Variants in HMOX1 observed in about 807,000 individuals in gnomAD.
HMOX1 encodes heat shock protein, 32-kD.
A neutral mutation model predicts 27.8 loss-of-function variants in HMOX1; 22 were observed. The observed-to-expected ratio is 0.79, with a 90% CI of 0.57 to 1.13. HMOX1 has a LOEUF of 1.13. Ranked by LOEUF, HMOX1 falls within the 50% of genes most tolerant of loss-of-function variation. The pLI is 0.00. For synonymous variants in HMOX1, 153 were observed against 151.6 expected (o/e 1.01, Z -0.07); for missense variants, 379 against 377.7 (o/e 1.00, Z -0.03).
chr22:35,389,543 A>G (rs1266559016), intron 3 of HMOX1, among the ~76,000 whole-genome samples: 5 of 150,984 alleles, frequency 3.3e-5, no homozygotes, highest in African/African-American at 7.4e-5. Flanking sequence ...CCCAGGTTCA[A>G]GCATTTCTCC....
Position 35,386,773 on chromosome 22 carries a change from A to G in HMOX1, c.233A>G (p.Tyr78Cys), listed in dbSNP as rs369019087. ...GAGAGCCCAGTCTTCGCCCCTGTCT[A>G]CTTCCCAGAAGAGCTGCACCGCAAG... Reference protein sequence around the residue: ...NKESPVFAPVYFPEELHRKAA... With the variant: ...NKESPVFAPVCFPEELHRKAA... The change falls in exon 3 of 5, where the codon TAC (tyrosine) becomes TGC (cysteine). Residue 78 changes from tyrosine (Y) to cysteine (C), a missense_variant. Coordinates refer to ENST00000216117, the MANE Select transcript of HMOX1 (RefSeq NM_002133.3). 5.6e-6 allele frequency: 9 copies of G among 1,614,056 alleles called. No individual in the cohort carries two copies. The African/African-American group carries it at 6.7e-5, about 12-fold the overall frequency.
intron 2 of HMOX1, among the ~76,000 whole-genome samples, chr22:35,385,609 C>CTT (rs71191362): frequency 3.2e-4 from 30 of 94,182 alleles, no homozygotes; most frequent in Non-Finnish European, 4.8e-4. Flanking sequence ...CCATACCTGG[C>CTT]TTTTTTTTTT....
intron 1 of HMOX1, 113 bp downstream of exon 1, chr22:35,381,309 C>G (rs977532738): frequency 3.8e-6 from 5 of 1,319,106 alleles, no homozygotes; most frequent in Non-Finnish European, 3.1e-6. Flanking sequence ...GAGCCAGAAA[C>G]TTGGGCTCTG....
intron 3 of HMOX1, among the ~76,000 whole-genome samples, chr22:35,389,189 T>TTTTCTC (rs1569056996): frequency 1.2e-5 from 1 of 83,428 alleles, no homozygotes; most frequent in Non-Finnish European, 2.5e-5. Context: ...GGGATATGAA[T>TTTTCTC]TTTCTTTCTT....
intron 2 of HMOX1, 31 bp from the exon 3 acceptor site, chr22:35,386,654 T>C (rs1931510375): frequency 6.2e-7 from 1 of 1,613,812 alleles, no homozygotes. Context: ...TCTATGTGGC[T>C]GGCGGCCTGA....
At chr22:35,388,350 G>C (rs1316438044) in intron 3 of HMOX1, among the ~76,000 whole-genome samples, 2 of 152,042 alleles carry the variant, frequency 1.3e-5, no homozygotes, top group Non-Finnish European at 2.9e-5. Context: ...TACTTGGGAG[G>C]CTGAGGTGGG....
rs1207596557 is a variant in HMOX1 at position 35,391,326 on chromosome 22, C to T, written c.736+1363C>T. 6.6e-5 allele frequency among the ~76,000 whole-genome samples: 10 copies of T among 151,448 alleles called. No individual in the cohort carries two copies. The East Asian group carries it at 1.2e-3, about 18-fold the overall frequency. On this transcript the variant is annotated intron_variant, in intron 4 of 4. Coordinates refer to ENST00000216117, the MANE Select transcript of HMOX1 (RefSeq NM_002133.3). ...TTTTCGTTTGAGACAGTCTTGCTGT[C>T]ACCCAGGCTGGAGTGCAGTGGCATG...
intron 3 of HMOX1, among the ~76,000 whole-genome samples, chr22:35,389,311 CTTTCTTTCTTCT>C (rs1931616029): frequency 8.2e-6 from 1 of 121,284 alleles, no homozygotes; most frequent in South Asian, 2.5e-4. Flanking sequence ...TTCTTTCTTT[CTTTCTTTCTTCT>C]TTCTTTCTTT....
chr22:35,383,057 A>T (rs1601739400), intron 1 of HMOX1, 49 bp from the exon 2 acceptor site: 2 of 1,608,324 alleles, frequency 1.2e-6, no homozygotes, highest in Non-Finnish European at 1.7e-6. Context: ...GTTGGGAAGG[A>T]CCCCACCCCC....
intron 3 of HMOX1, among the ~76,000 whole-genome samples, chr22:35,389,005 A>G (rs16995662): frequency 0.12 from 18,043 of 151,978 alleles, 3,369 homozygotes; most frequent in African/African-American, 0.4. Flanking sequence ...CTAGGATACC[A>G]CTTAATATTA....
At chr22:35,383,784 C>T (rs1435069716) in intron 2 of HMOX1, among the ~76,000 whole-genome samples, 3 of 152,162 alleles carry the variant, frequency 2.0e-5, no homozygotes, top group Non-Finnish European at 2.9e-5. Flanking sequence ...CCACGTTTTC[C>T]CCATCTGTAA....
At chr22:35,391,292 G>GTT (rs1159744982) in intron 4 of HMOX1, among the ~76,000 whole-genome samples, 1 of 75,592 alleles carries the variant, frequency 1.3e-5, no homozygotes, top group African/African-American at 3.7e-5. Context: ...TATTTTTTTG[G>GTT]TTTTTTTTTT....
chr22:35,393,622 G>A lies in HMOX1; in HGVS notation c.*24G>A, dbSNP rs1931783881. On this transcript the variant is annotated 3_prime_UTR_variant, in exon 5 of 5. Coordinates refer to ENST00000216117, the MANE Select transcript of HMOX1 (RefSeq NM_002133.3). Reference sequence around the variant, plus strand: ...GAATGCAGGCATGCTGGCTCCCAGGGCCATGAACTTTGTCCGGTGGAAGGC... The same window carrying A: ...GAATGCAGGCATGCTGGCTCCCAGGACCATGAACTTTGTCCGGTGGAAGGC... 3 of 1,613,804 alleles carry A rather than the reference G, an allele frequency of 1.9e-6. No homozygotes were observed. Among genetic ancestry groups the A allele is most frequent in the Non-Finnish European group, 1.7e-6 (2 of 1,179,864 alleles).
intron 3 of HMOX1, among the ~76,000 whole-genome samples, chr22:35,389,276 TCTCTCTC>T (rs1569057236): frequency 5.6e-5 from 6 of 107,594 alleles, no homozygotes; most frequent in African/African-American, 3.1e-4. Context: ...CTCTCTCTCC[TCTCTCTC>T]TCTCTCTTCT....
Position 35,393,689 on chromosome 22 carries a change from C to T in HMOX1, c.*91C>T, listed in dbSNP as rs977151022. ...GAATTCTCTTGGCTGGCTTCCTTAC[C>T]GTGGGCACTGAAGGCTTTCAGGGCC... On this transcript the variant is annotated 3_prime_UTR_variant, in exon 5 of 5. Coordinates refer to ENST00000216117, the MANE Select transcript of HMOX1 (RefSeq NM_002133.3). The T allele has an allele frequency of 2.3e-5, 35 of 1,535,320 alleles. No homozygotes were observed. The highest frequency in any genetic ancestry group is 1.7e-4 in the South Asian group (15 of 88,930).
chr22:35,384,628 T>C (rs1431149757), intron 2 of HMOX1, among the ~76,000 whole-genome samples: 2 of 152,028 alleles, frequency 1.3e-5, no homozygotes, highest in South Asian at 2.1e-4. Context: ...CCAAGATCCA[T>C]GAGAGAATCC....
chr22:35,385,157 A>G (rs534410050), intron 2 of HMOX1, among the ~76,000 whole-genome samples: 1 of 152,138 alleles, frequency 6.6e-6, no homozygotes, highest in Non-Finnish European at 1.5e-5. Context: ...TCAGCCCAGC[A>G]TGCAGAGGTG....
chr22:35,393,143 C>T (rs1043172130), intron 4 of HMOX1, among the ~76,000 whole-genome samples: 5 of 152,220 alleles, frequency 3.3e-5, no homozygotes, highest in African/African-American at 1.2e-4. Flanking sequence ...AGATTTACAG[C>T]TCAGACCTAA....
intron 4 of HMOX1, 36 bp from the exon 5 acceptor site, chr22:35,393,432 C>T (rs763616054): frequency 1.2e-6 from 2 of 1,613,864 alleles, no homozygotes; most frequent in East Asian, 4.5e-5. Context: ...GATGCACGCC[C>T]ACCTGTTAAT....
Sources: gnomAD v4.1 joint callset for allele counts (sites outside exome capture counted in the v4.1 genomes callset) on GRCh38, gnomAD v4.1.1 for gene constraint, MANE v1.5 for transcripts, NCBI Gene and HGNC (gene_info 2026-07-23, HGNC 2026-07-21) for gene names.